Variants in GINS1 observed in about 807,000 individuals in gnomAD.
The protein encoded by GINS1 is GINS complex subunit 1, also known as DNA replication complex GINS protein PSF1.
GINS1 carries 26 observed loss-of-function variants against 34.9 expected under a neutral mutation model. That is an observed-to-expected ratio of 0.74 (90% CI 0.55 to 1.03). The LOEUF (loss-of-function observed/expected upper bound fraction) is 1.03, where lower values mean the gene tolerates loss of function less well. GINS1 is among the 50% of genes least tolerant of loss of function. The probability of loss-of-function intolerance (pLI) is 0.00; values close to 1 mark genes in which losing one functional copy is unlikely to be tolerated. For synonymous variants in GINS1, 97 were observed against 84.4 expected (o/e 1.15, Z -0.82); for missense variants, 235 against 237.9 (o/e 0.99, Z 0.08).
chr20:25,409,021 G>T (rs2090266309), intron 1 of GINS1: 1 of 985,156 alleles, frequency 1.0e-6, no homozygotes, highest in African/African-American at 1.7e-5. Flanking sequence ...GGGTAGAAGA[G>T]GTGATATATG....
At chr20:25,432,190 T>A (rs993846633) in intron 5 of GINS1, among the ~76,000 whole-genome samples, 1 of 152,140 alleles carries the variant, frequency 6.6e-6, no homozygotes, top group Non-Finnish European at 1.5e-5. Flanking sequence ...TGTCTTATTT[T>A]TTAATGTAGG....
chr20:25,422,091 G>A (rs905757502), intron 4 of GINS1, among the ~76,000 whole-genome samples: 1 of 151,814 alleles, frequency 6.6e-6, no homozygotes, highest in African/African-American at 2.4e-5. Flanking sequence ...ATAAAAACAG[G>A]CACATGCAAA....
At chr20:25,442,504 A>G (rs2090487794) in intron 6 of GINS1, among the ~76,000 whole-genome samples, 2 of 151,658 alleles carry the variant, frequency 1.3e-5, no homozygotes, top group African/African-American at 4.8e-5. Flanking sequence ...ACAGGTGTGA[A>G]CCACCATGCC....
rs1189591098 is a variant in GINS1, at chr20:25,448,012, TCA to T, written c.*2024_*2025del. 2 of 152,540 alleles carry T rather than the reference TCA, an allele frequency of 1.3e-5. No homozygotes were observed. Among genetic ancestry groups the T allele is most frequent in the Admixed American group, 1.3e-4 (2 of 15,298 alleles). 9.4% of individuals were successfully genotyped at this position (152,540 alleles called of 1,614,324 possible). A position where few individuals can be genotyped will look rare whatever the true frequency, so the allele number is the denominator to read the frequency against. On this transcript the variant is annotated 3_prime_UTR_variant, in exon 7 of 7. Transcript: ENST00000262460. ...CAGGTGTGGTGGTGCATGCCTGTAG[TCA>T]CAGTTACACGGCAGGCTGAGGTGGG... is the stretch of plus-strand genomic sequence containing the variant.
At chr20:25,424,286 A>G (rs1055890366) in intron 4 of GINS1, among the ~76,000 whole-genome samples, 1 of 152,152 alleles carries the variant, frequency 6.6e-6, no homozygotes, top group African/African-American at 2.4e-5. Context: ...TTGCACTTCC[A>G]TGTAAATTTT....
chr20:25,431,666 G>T lies in GINS1; in HGVS notation c.447+6339G>T, dbSNP rs112534066. On this transcript the variant is annotated intron_variant, in intron 5 of 6. Coordinates refer to ENST00000262460, the MANE Select transcript of GINS1 (RefSeq NM_021067.5). ...GCTCACTTCATCCTCCGCCTCCAGG[G>T]TTCAAGTGATTCCCATGCCTCAGCC... Among the ~76,000 whole-genome samples, 1,051 of 151,294 alleles carry T rather than the reference G, an allele frequency of 6.9e-3. 4 individuals carry two copies. Among genetic ancestry groups the T allele is most frequent in the Middle Eastern group, 0.02 (6 of 294 alleles).
chr20:25,437,681 G>A (rs1031597185), intron 5 of GINS1, among the ~76,000 whole-genome samples: 2 of 152,174 alleles, frequency 1.3e-5, no homozygotes, highest in African/African-American at 4.8e-5. Flanking sequence ...TATATGTTCT[G>A]AGGACAAAAG....
In GINS1 at chr20:25,418,147, TG is replaced by T; in HGVS notation, c.284del (p.Gly95ValfsTer31). 1 of 1,605,816 alleles carries T rather than the reference TG, an allele frequency of 6.2e-7. No individual in the cohort carries two copies. Among genetic ancestry groups the T allele is most frequent in the Non-Finnish European group, 8.5e-7 (1 of 1,172,290 alleles). Reference sequence around the variant, plus strand: ...GGATCAGAGCACTCAGATGGGAATATGGTAGCGTCTTGCCAAATGCATTACG... The same window carrying T: ...GGATCAGAGCACTCAGATGGGAATATGTAGCGTCTTGCCAAATGCATTACG... ...LRIRALRWEY[G>X]SVLPNALRFH... On this transcript the variant is annotated frameshift_variant, in exon 4 of 7. Coordinates refer to ENST00000262460, the MANE Select transcript of GINS1 (RefSeq NM_021067.5). LOFTEE classifies it high-confidence loss of function.
intron 4 of GINS1, among the ~76,000 whole-genome samples, chr20:25,422,280 A>G (rs922722024): frequency 2.0e-5 from 3 of 152,002 alleles, no homozygotes; most frequent in Non-Finnish European, 4.4e-5. Flanking sequence ...CTTATTTTTA[A>G]AAATCTTATT....
chr20:25,425,345 A>G lies in GINS1; in HGVS notation c.447+18A>G, dbSNP rs1302175623. ...ATATTGAAGTATGTATATCTTTTTA[A>G]AATGCATTTTTCTTTAATGTGTAAA... is the stretch of plus-strand genomic sequence containing the variant. On this transcript the variant is annotated intron_variant, in intron 5 of 6. Transcript: ENST00000262460. 1 of 1,009,440 alleles carries G rather than the reference A, an allele frequency of 9.9e-7. No homozygotes were observed. The highest frequency in any genetic ancestry group is 1.6e-6 in the Non-Finnish European group (1 of 644,494). The allele number at this position is 1,009,440 out of a possible 1,614,324, so 62.5% of individuals were successfully genotyped here. A position where few individuals can be genotyped will look rare whatever the true frequency, so the allele number is the denominator to read the frequency against.
chr20:25,408,694 A>G (rs115152387), intron 1 of GINS1, among the ~76,000 whole-genome samples: 5,230 of 152,162 alleles, frequency 0.034, 258 homozygotes, highest in African/African-American at 0.12. Flanking sequence ...GTCCCAAACA[A>G]AACAAAAATA....
At chr20:25,410,321 A>G (rs1311428793) in intron 1 of GINS1, among the ~76,000 whole-genome samples, 1 of 151,660 alleles carries the variant, frequency 6.6e-6, no homozygotes, top group Non-Finnish European at 1.5e-5. Context: ...AGCCTGGGCG[A>G]CAGAGAGAGA....
At chr20:25,441,668 A>G in intron 5 of GINS1, 34 bp from the exon 6 acceptor site, 1 of 1,100,566 alleles carries the variant, frequency 9.1e-7, no homozygotes, top group Non-Finnish European at 1.4e-6. Context: ...TTAAAAACTA[A>G]TTTAGATAAA....
intron 5 of GINS1, among the ~76,000 whole-genome samples, chr20:25,425,889 T>C (rs2090387989): frequency 6.6e-6 from 1 of 152,214 alleles, no homozygotes; most frequent in South Asian, 2.1e-4. Context: ...TACATTTAAG[T>C]GGTATTAAAT....
chr20:25,435,969 T>A (rs894148109), intron 5 of GINS1, among the ~76,000 whole-genome samples: 1 of 141,474 alleles, frequency 7.1e-6, no homozygotes, highest in East Asian at 2.6e-4. Context: ...CCTGCCACCA[T>A]GCCCAGCTAA....
chr20:25,424,818 A>G (rs1447723485), intron 4 of GINS1, among the ~76,000 whole-genome samples: 1 of 152,244 alleles, frequency 6.6e-6, no homozygotes, highest in African/African-American at 2.4e-5. Flanking sequence ...ATATGGGCAC[A>G]TATCCATTCA....
chr20:25,434,066 G>A (rs1049518307), intron 5 of GINS1, among the ~76,000 whole-genome samples: 7 of 151,804 alleles, frequency 4.6e-5, no homozygotes, highest in African/African-American at 1.7e-4. Flanking sequence ...GGTGGATTGC[G>A]TGAGCTCAGA....
chr20:25,422,643 C>T (rs1310331091), intron 4 of GINS1, among the ~76,000 whole-genome samples: 2 of 152,114 alleles, frequency 1.3e-5, no homozygotes, highest in African/African-American at 4.8e-5. Context: ...TTTCTAAACA[C>T]TATAATTTAG....
chr20:25,427,570 A>C (rs1224934578), intron 5 of GINS1, among the ~76,000 whole-genome samples: 1 of 152,202 alleles, frequency 6.6e-6, no homozygotes, highest in African/African-American at 2.4e-5. Flanking sequence ...GATGTTGAGC[A>C]TCTTTTCATA....
Sources: gnomAD v4.1 joint callset for allele counts (sites outside exome capture counted in the v4.1 genomes callset) on GRCh38, gnomAD v4.1.1 for gene constraint, MANE v1.5 for transcripts, NCBI Gene and HGNC (gene_info 2026-07-23, HGNC 2026-07-21) for gene names.